The following HIVEP1 variants were observed in gnomAD, a reference collection of about 807,000 sequenced individuals.
The protein encoded by HIVEP1 is HIVEP zinc finger 1.
Under a neutral mutation model 180.0 loss-of-function variants are expected in HIVEP1, and 36 were observed. The ratio of observed to expected loss-of-function variants is 0.20; its 90% confidence interval spans 0.15 to 0.26. The LOEUF is 0.26. Among genes scored for constraint, HIVEP1 ranks in the 10% least tolerant of loss-of-function variants. The pLI is 1.00. For missense variants in HIVEP1, 3,143 were observed against 3,268.7 expected (o/e 0.96, Z 0.94); for synonymous variants, 1,239 against 1,239.0 (o/e 1.00, Z 0.00).
chr6:12,029,653 T>G (rs180896308), intron 2 of HIVEP1, among the ~76,000 whole-genome samples: 23 of 152,320 alleles, frequency 1.5e-4, no homozygotes, highest in African/African-American at 5.3e-4. Flanking sequence ...CACTGCCTAC[T>G]TGAGAGTAAT....
chr6:12,081,402 G>A (rs1447525481), intron 2 of HIVEP1, among the ~76,000 whole-genome samples: 1 of 151,978 alleles, frequency 6.6e-6, no homozygotes, highest in Non-Finnish European at 1.5e-5. Flanking sequence ...CTTTTTCTTT[G>A]TAGACAGCGA....
chr6:12,063,978 G>T lies in HIVEP1; in HGVS notation c.41-25206G>T, dbSNP rs567215069. On this transcript the variant is annotated intron_variant, in intron 2 of 8. Coordinates refer to ENST00000379388, the MANE Select transcript of HIVEP1 (RefSeq NM_002114.4). The surrounding 1 kb of genome is among the most constrained non-coding windows in gnomAD (Gnocchi z 4.2). ...AAGATTAGGTGTGATCTTGGAAAAT[G>T]AGAGACCTCAGATTTTGGCAAGGAA... Among the ~76,000 whole-genome samples the T allele has an allele frequency of 6.6e-6, 1 of 152,166 alleles. No individual in the cohort carries two copies. The highest frequency in any genetic ancestry group is 2.1e-4 in the South Asian group (1 of 4,830).
At chr6:12,017,380 T>C (rs1249839807) in intron 2 of HIVEP1, among the ~76,000 whole-genome samples, 1 of 152,240 alleles carries the variant, frequency 6.6e-6, no homozygotes, top group Non-Finnish European at 1.5e-5. Flanking sequence ...GGTAGGTTCG[T>C]GGTCTCGCTG....
At chr6:12,017,248 G>A (rs1209056326) in intron 2 of HIVEP1, among the ~76,000 whole-genome samples, 1 of 152,128 alleles carries the variant, frequency 6.6e-6, no homozygotes, top group East Asian at 1.9e-4. Context: ...GTGGGTTCTT[G>A]GTCTCACTGA....
chr6:12,177,094 A>G, the HIVEP1 span, among the ~76,000 whole-genome samples: 4 of 152,220 alleles, frequency 2.6e-5, no homozygotes, highest in Non-Finnish European at 5.9e-5. Context: ...GCTCTCTCTT[A>G]TAAGTGGGAG....
the HIVEP1 span, among the ~76,000 whole-genome samples, chr6:12,200,149 G>A: frequency 6.6e-6 from 1 of 152,200 alleles, no homozygotes; most frequent in African/African-American, 2.4e-5. Context: ...AGCAAATACA[G>A]GGCCAGGGGC....
intron 3 of HIVEP1, among the ~76,000 whole-genome samples, chr6:12,096,510 TC>T (rs1773789139): frequency 6.6e-6 from 1 of 150,714 alleles, no homozygotes; most frequent in Non-Finnish European, 1.5e-5. Flanking sequence ...CGCCTACTTT[TC>T]TACATTAAAA....
upstream of HIVEP1, chr6:12,008,523 C>T (rs1767117355): frequency 6.6e-6 from 1 of 152,254 alleles, no homozygotes; most frequent in South Asian, 2.1e-4. Context: ...AACAGGAAGC[C>T]CGTGCAAATG....
At chr6:12,064,420 T>C (rs115344751) in intron 2 of HIVEP1, among the ~76,000 whole-genome samples, 14 of 152,352 alleles carry the variant, frequency 9.2e-5, no homozygotes, top group Non-Finnish European at 1.9e-4. Flanking sequence ...GATCGTTTGT[T>C]AACAGCAGTG....
chr6:12,014,838 A>ACAC (rs1175755648), intron 1 of HIVEP1, among the ~76,000 whole-genome samples: 1 of 152,240 alleles, frequency 6.6e-6, no homozygotes, highest in African/African-American at 2.4e-5. Context: ...GCAAACAAAA[A>ACAC]GGTGTTTCTG....
At chr6:12,189,484 G>A in the HIVEP1 span, among the ~76,000 whole-genome samples, 1 of 152,044 alleles carries the variant, frequency 6.6e-6, no homozygotes, top group Admixed American at 6.6e-5. Context: ...ACATGAAATA[G>A]TTCATAGGAA....
intron 2 of HIVEP1, among the ~76,000 whole-genome samples, chr6:12,079,021 G>T (rs1772587941): frequency 6.6e-6 from 1 of 151,998 alleles, no homozygotes; most frequent in African/African-American, 2.4e-5. Flanking sequence ...AGCCTCTCAG[G>T]GTGAGAATAC....
intron 4 of HIVEP1, among the ~76,000 whole-genome samples, chr6:12,126,830 A>T (rs6929481): frequency 0.38 from 57,662 of 151,632 alleles, 12,279 homozygotes; most frequent in Middle Eastern, 0.53. Flanking sequence ...AATTTTTTTT[A>T]AAAAAATAGG....
At chr6:12,130,182 T>TA (rs1163228266) in intron 5 of HIVEP1, among the ~76,000 whole-genome samples, 5 of 152,226 alleles carry the variant, frequency 3.3e-5, no homozygotes, top group African/African-American at 1.2e-4. Context: ...AGGAATGACC[T>TA]AGAGAATCTG....
chr6:12,197,560 A>G, the HIVEP1 span, among the ~76,000 whole-genome samples: 1 of 151,718 alleles, frequency 6.6e-6, no homozygotes, highest in Non-Finnish European at 1.5e-5. Context: ...CTCAAAAAAA[A>G]AAAAAAAAAA....
At chr6:12,192,038 T>C in the HIVEP1 span, among the ~76,000 whole-genome samples, 1 of 152,258 alleles carries the variant, frequency 6.6e-6, no homozygotes, top group African/African-American at 2.4e-5. Context: ...AATTGCTAAC[T>C]ATGCTTCTGC....
At chr6:12,020,459 A>C (rs1561859764) in intron 2 of HIVEP1, 1 of 471,036 alleles carries the variant, frequency 2.1e-6, no homozygotes. Flanking sequence ...CCCAGCCATC[A>C]TTCCTTACTC....
intron 2 of HIVEP1, among the ~76,000 whole-genome samples, chr6:12,017,602 T>G (rs1261688073): frequency 6.6e-6 from 1 of 152,186 alleles, no homozygotes; most frequent in African/African-American, 2.4e-5. Context: ...TGCTGATTGG[T>G]CCGTTTTACA....
the HIVEP1 span, among the ~76,000 whole-genome samples, chr6:12,174,616 C>T: frequency 2.0e-5 from 3 of 151,992 alleles, no homozygotes; most frequent in African/African-American, 4.8e-5. Flanking sequence ...CCTTTGTTGT[C>T]GTTTTTCTAA....
Sources: gnomAD v4.1 joint callset for allele counts (sites outside exome capture counted in the v4.1 genomes callset) on GRCh38, gnomAD v4.1.1 for gene constraint, Gnocchi (gnomAD v3.1) non-coding constraint, MANE v1.5 for transcripts, NCBI Gene and HGNC (gene_info 2026-07-23, HGNC 2026-07-21) for gene names.